The following CFAP70 variants were observed in gnomAD, a reference collection of about 807,000 sequenced individuals.
The protein encoded by CFAP70 is cilia- and flagella-associated protein 70.
A neutral mutation model predicts 137.6 loss-of-function variants in CFAP70; 81 were observed. The ratio of observed to expected loss-of-function variants is 0.59; its 90% CI spans 0.49 to 0.71. CFAP70 has a LOEUF of 0.71. Ranked by LOEUF, CFAP70 falls within the 30% of genes least tolerant of loss-of-function variation. CFAP70 has a pLI of 0.00. For missense variants in CFAP70, 976 were observed against 1,226.7 expected, an observed-to-expected ratio of 0.80 and a Z score of 3.05; for synonymous variants, 382 against 423.6, an observed-to-expected ratio of 0.90 and a Z score of 1.20.
At chr10:73,356,535 C>T (rs955525729) in intron 1 of CFAP70, among the ~76,000 whole-genome samples, 1 of 152,198 alleles carries the variant, frequency 6.6e-6, no homozygotes, top group South Asian at 2.1e-4. Flanking sequence ...CAAACATTTA[C>T]TGAGGACATA....
intron 20 of CFAP70, 128 bp downstream of exon 21, chr10:73,278,051 G>T: frequency 1.2e-6 from 1 of 853,536 alleles, no homozygotes; most frequent in South Asian, 1.8e-5. Flanking sequence ...TTACACCATT[G>T]AGTTTGGATT....
upstream of CFAP70, chr10:73,358,888 A>G (rs918108250): frequency 5.3e-5 from 8 of 152,292 alleles, no homozygotes; most frequent in African/African-American, 1.7e-4. Context: ...CGCCGGCTGC[A>G]GCCTCCTCAC....
At chr10:73,348,782 G>C (rs563012809) in intron 3 of CFAP70, among the ~76,000 whole-genome samples, 1 of 152,174 alleles carries the variant, frequency 6.6e-6, no homozygotes, top group African/African-American at 2.4e-5. Context: ...AGTAACTGAG[G>C]CTGGGCGTGG....
At chr10:73,260,233 G>T (rs1439682009) in intron 25 of CFAP70, among the ~76,000 whole-genome samples, 1 of 151,922 alleles carries the variant, frequency 6.6e-6, no homozygotes, top group Admixed American at 6.6e-5. Context: ...CATGCCTGTA[G>T]TCCCAGCTAC....
intron 26 of CFAP70, among the ~76,000 whole-genome samples, chr10:73,256,013 T>C (rs2044456050): frequency 6.6e-6 from 1 of 152,224 alleles, no homozygotes; most frequent in Non-Finnish European, 1.5e-5. Flanking sequence ...AAATGTTTGC[T>C]GATCCCTAGA....
intron 7 of CFAP70, among the ~76,000 whole-genome samples, chr10:73,332,001 T>G (rs960500818): frequency 2.0e-5 from 3 of 152,184 alleles, no homozygotes; most frequent in Admixed American, 6.5e-5. Context: ...AAGAAAAAAG[T>G]TGATCGAATT....
chr10:73,353,413 C>T lies in CFAP70; in HGVS notation c.250+143G>A, dbSNP rs181897802. ...TTTTCACGTTTCAGTTCCTGCCTTG[C>T]TTCTGGGAACAAAGGAACTGTCCTT... On this transcript the variant is annotated intron_variant, in intron 3 of 26. Transcript: ENST00000310715. 6.1e-5 allele frequency: 47 copies of T among 768,818 alleles called. No homozygotes were observed. In the Admixed American group the frequency reaches 1.1e-3, roughly 18 times the overall value. 47.6% of individuals were successfully genotyped at this position (768,818 alleles called of 1,614,324 possible).
intron 12 of CFAP70, among the ~76,000 whole-genome samples, chr10:73,308,169 A>G (rs565142994): frequency 5.3e-5 from 8 of 152,088 alleles, no homozygotes; most frequent in Non-Finnish European, 1.2e-4. Flanking sequence ...AGAAAGAAAG[A>G]AAGAAAGGAT....
intron 20 of CFAP70, 66 bp downstream of exon 21, chr10:73,278,113 G>A (rs191037424): frequency 1.1e-5 from 17 of 1,514,202 alleles, no homozygotes; most frequent in Admixed American, 1.1e-4. Flanking sequence ...TTTCATCATC[G>A]TAAGAGTCTT....
At chr10:73,348,595 G>T in intron 3 of CFAP70, 74 bp from the exon 4 acceptor site, 3 of 979,204 alleles carry the variant, frequency 3.1e-6, no homozygotes, top group Non-Finnish European at 3.0e-6. Context: ...AACAAACAAA[G>T]CATTGTCAAA....
At chr10:73,290,044 C>CAAAAAAAAAAAAAA (rs397847750) in intron 19 of CFAP70, among the ~76,000 whole-genome samples, 5,089 of 70,916 alleles carry the variant, frequency 0.072, 255 homozygotes, top group East Asian at 0.23. Context: ...GACTCCATCT[C>CAAAAAAAAAAAAAA]AAAAAAAAAA....
chr10:73,256,902 CAAAAAAAAAA>C (rs55805225), intron 25 of CFAP70, among the ~76,000 whole-genome samples: 3 of 58,320 alleles, frequency 5.1e-5, no homozygotes, highest in Non-Finnish European at 7.6e-5. Context: ...GACTCCATCT[CAAAAAAAAAA>C]AAAAAAAAAA....
intron 25 of CFAP70, among the ~76,000 whole-genome samples, chr10:73,258,899 T>C (rs2044824211): frequency 6.6e-6 from 1 of 152,182 alleles, no homozygotes; most frequent in Admixed American, 6.5e-5. Context: ...AAACCCTGTC[T>C]CCTGATAAGA....
Position 73,293,399 on chromosome 10 carries a change from T to A in CFAP70, c.1645-11A>T, listed in dbSNP as rs200061558. The A allele has an allele frequency of 1.5e-4, 231 of 1,578,788 alleles. 1 individual carries two copies. The East Asian group carries it at 3.5e-3, about 24-fold the overall frequency. ...ATCATCTGGCATGGTCTTGTCAATG[T>A]CAAGATGTTAGGTAGACAAAAATGA... On this transcript the variant is annotated splice_polypyrimidine_tract_variant and intron_variant, in intron 15 of 26. Transcript: ENST00000310715.
chr10:73,356,461 G>A (rs2132580368), intron 1 of CFAP70, among the ~76,000 whole-genome samples: 1 of 152,276 alleles, frequency 6.6e-6, no homozygotes, highest in East Asian at 1.9e-4. Flanking sequence ...GCCTCCCAAA[G>A]TGCTGGGATT....
At chr10:73,318,067 G>GT (rs2050544985) in intron 9 of CFAP70, among the ~76,000 whole-genome samples, 1 of 152,162 alleles carries the variant, frequency 6.6e-6, no homozygotes, top group African/African-American at 2.4e-5. Flanking sequence ...TAGCGATGGG[G>GT]CTTGGCATTC....
chr10:73,278,747 G>A (rs1031905442), intron 19 of CFAP70, among the ~76,000 whole-genome samples: 9 of 151,330 alleles, frequency 5.9e-5, no homozygotes, highest in East Asian at 2.0e-4. Flanking sequence ...TTGGGAGGCC[G>A]AGGCAGGTGG....
intron 19 of CFAP70, among the ~76,000 whole-genome samples, chr10:73,283,491 T>A (rs953710731): frequency 6.6e-6 from 1 of 150,706 alleles, no homozygotes; most frequent in African/African-American, 2.5e-5. Flanking sequence ...TAGTTTTTGC[T>A]TCATTATCTT....
chr10:73,323,272 G>A (rs2051044079), intron 8 of CFAP70, among the ~76,000 whole-genome samples, 175 bp from the exon 10 acceptor site: 1 of 142,966 alleles, frequency 7.0e-6, no homozygotes, highest in Non-Finnish European at 1.5e-5. Flanking sequence ...TCTTCAAAAT[G>A]GGTTTAATAA....
Sources: allele counts gnomAD v4.1 joint callset (sites outside exome capture counted in the v4.1 genomes callset), GRCh38; gene constraint gnomAD v4.1.1; transcripts MANE v1.5; gene names NCBI Gene and HGNC (gene_info 2026-07-23, HGNC 2026-07-21).